NDST4: variants seen among roughly 807,000 people sequenced by gnomAD.
NDST4 encodes N-deacetylase and N-sulfotransferase 4.
NDST4 carries 63 observed loss-of-function variants against 100.8 expected under a neutral mutation model. The ratio of observed to expected loss-of-function variants is 0.62; its 90% CI spans 0.51 to 0.77. The LOEUF is 0.77. NDST4 is among the 30% of genes least tolerant of loss of function. NDST4 has a pLI of 0.00. For synonymous variants in NDST4, 377 were observed against 361.8 expected (o/e 1.04, Z -0.48); for missense variants, 943 against 1,018.4 (o/e 0.93, Z 1.01).
At chr4:114,910,263 G>A (rs1725036807) in intron 6 of NDST4, among the ~76,000 whole-genome samples, 1 of 152,076 alleles carries the variant, frequency 6.6e-6, no homozygotes, top group African/African-American at 2.4e-5. Context: ...TGCAGTAGGT[G>A]AGCAAAAAAG....
At chr4:114,967,570 A>G (rs750228138) in intron 4 of NDST4, among the ~76,000 whole-genome samples, 1 of 152,116 alleles carries the variant, frequency 6.6e-6, no homozygotes, top group Non-Finnish European at 1.5e-5. Context: ...GTAGGAGTGT[A>G]GTGGAATGAA....
chr4:114,928,448 A>G (rs1016899433), intron 6 of NDST4, among the ~76,000 whole-genome samples: 3 of 152,302 alleles, frequency 2.0e-5, no homozygotes, highest in Middle Eastern at 6.8e-3. Flanking sequence ...TCCAAGTGTG[A>G]ATTATCTTTT....
chr4:114,876,093 C>G (rs1043536338), intron 6 of NDST4, among the ~76,000 whole-genome samples: 1 of 152,114 alleles, frequency 6.6e-6, no homozygotes, highest in Non-Finnish European at 1.5e-5. Flanking sequence ...AATGCACAAT[C>G]ACAAACACAG....
intron 7 of NDST4, among the ~76,000 whole-genome samples, chr4:114,858,917 G>T (rs376255825): frequency 2.0e-5 from 3 of 152,192 alleles, no homozygotes; most frequent in Admixed American, 2.0e-4. Context: ...ATGGAAATGA[G>T]TTACCATCCT....
chr4:115,003,562 T>C (rs1294441114), intron 2 of NDST4, among the ~76,000 whole-genome samples: 1 of 152,138 alleles, frequency 6.6e-6, no homozygotes, highest in Non-Finnish European at 1.5e-5. Context: ...AAAGACTGTA[T>C]TCTTTTTTAA....
In NDST4 at chr4:114,891,734, G is replaced by A. The variant is rs376955889; in HGVS notation, c.1537-20784C>T. Among the ~76,000 whole-genome samples, 100 of 152,068 alleles carry A rather than the reference G, an allele frequency of 6.6e-4. 2 individuals are homozygous for A. The South Asian group carries it at 0.02, about 31-fold the overall frequency. On this transcript the variant is annotated intron_variant, in intron 6 of 13. Transcript: ENST00000264363. ...GTCAAGCTTATCTCTGCCTTTCTCC[G>A]ACAGAAATGTTCACTGCTTTCAGTA...
intron 6 of NDST4, among the ~76,000 whole-genome samples, chr4:114,925,972 A>T (rs1725378385): frequency 6.6e-6 from 1 of 152,104 alleles, no homozygotes; most frequent in Admixed American, 6.6e-5. Context: ...TGTTTTGACT[A>T]TTTTCAGTTG....
chr4:115,042,411 C>A (rs994531632), intron 2 of NDST4, among the ~76,000 whole-genome samples: 14 of 152,026 alleles, frequency 9.2e-5, no homozygotes, highest in Admixed American at 8.5e-4. Context: ...TTATTCACCT[C>A]GCTTTGCCTT....
rs1282972665 is a variant in NDST4 at position 115,076,898 on chromosome 4, T to C, written c.139A>G (p.Thr47Ala). 6.2e-7 allele frequency: 1 copy of C among 1,613,816 alleles called. No individual in the cohort carries two copies. Among genetic ancestry groups the C allele is most frequent in the Admixed American group, 1.7e-5 (1 of 59,976 alleles). Residue 47 changes from threonine (T) to alanine (A), a missense_variant, in exon 2 of 14, where the codon ACT (threonine) becomes GCT (alanine). Coordinates refer to ENST00000264363, the MANE Select transcript of NDST4 (RefSeq NM_022569.3). ...YKQEMTLIET[T>A]AEAECTDIKI... ...ATGTCAGTGCATTCTGCTTCTGCAG[T>C]GGTTTCAATAAGTGTCATTTCCTGT... is the stretch of plus-strand genomic sequence containing the variant.
intron 6 of NDST4, among the ~76,000 whole-genome samples, chr4:114,929,096 C>CTAT (rs1578394887): frequency 1.5e-5 from 2 of 130,002 alleles, no homozygotes; most frequent in East Asian, 2.2e-4. Context: ...ATCCATCCAT[C>CTAT]CATCCATCCA....
intron 1 of NDST4, among the ~76,000 whole-genome samples, chr4:115,091,855 G>A (rs769429956): frequency 3.6e-4 from 55 of 151,970 alleles, no homozygotes; most frequent in Admixed American, 7.2e-4. Context: ...CCCTAAATAA[G>A]TGATTAAAAT....
intron 2 of NDST4, among the ~76,000 whole-genome samples, chr4:115,029,793 T>C (rs556622329): frequency 1.3e-5 from 2 of 152,130 alleles, no homozygotes; most frequent in South Asian, 4.1e-4. Flanking sequence ...GAGAGAACTA[T>C]AGAGAAAATA....
intron 2 of NDST4, among the ~76,000 whole-genome samples, chr4:115,008,960 A>C (rs1483815464): frequency 1.6e-5 from 2 of 128,046 alleles, no homozygotes; most frequent in Non-Finnish European, 3.3e-5. Context: ...TAAAATACCT[A>C]GGAATCCAAC....
intron 2 of NDST4, among the ~76,000 whole-genome samples, chr4:115,006,031 CAAAAA>C (rs33988343): frequency 9.0e-5 from 9 of 99,472 alleles, no homozygotes; most frequent in Non-Finnish European, 1.2e-4. Flanking sequence ...GACTCTATCT[CAAAAA>C]AAAAAAAAAA....
chr4:114,848,993 G>C (rs1723617014), intron 8 of NDST4, among the ~76,000 whole-genome samples: 1 of 152,180 alleles, frequency 6.6e-6, no homozygotes, highest in Non-Finnish European at 1.5e-5. Context: ...CAGATTCTAG[G>C]AGGAAGTGTA....
At chr4:115,002,178 T>C (rs1185592238) in intron 2 of NDST4, among the ~76,000 whole-genome samples, 1 of 152,194 alleles carries the variant, frequency 6.6e-6, no homozygotes, top group Non-Finnish European at 1.5e-5. Flanking sequence ...TTCCTGACAT[T>C]TTAATAATTG....
chr4:114,996,440 C>A (rs919272928), intron 2 of NDST4, among the ~76,000 whole-genome samples: 1 of 152,050 alleles, frequency 6.6e-6, no homozygotes, highest in Non-Finnish European at 1.5e-5. Context: ...AGAACTAATA[C>A]AGCAGTTTTC....
intron 4 of NDST4, among the ~76,000 whole-genome samples, chr4:114,941,587 C>T (rs1484274175): frequency 1.3e-5 from 2 of 152,126 alleles, no homozygotes; most frequent in East Asian, 3.9e-4. Flanking sequence ...TTTGGCAGCT[C>T]CTGGCTCCTG....
intron 11 of NDST4, among the ~76,000 whole-genome samples, chr4:114,837,882 G>A (rs1723336428): frequency 6.6e-6 from 1 of 152,148 alleles, no homozygotes; most frequent in Admixed American, 6.5e-5. Context: ...TCATCAGAGT[G>A]AACAGACTAC....
Sources: gnomAD v4.1 joint callset for allele counts (sites outside exome capture counted in the v4.1 genomes callset) on GRCh38, gnomAD v4.1.1 for gene constraint, MANE v1.5 for transcripts, NCBI Gene and HGNC (gene_info 2026-07-23, HGNC 2026-07-21) for gene names.